Variants in SCGB2B2 observed in about 807,000 individuals in gnomAD.
SCGB2B2 encodes secretoglobin-like protein.
Under a neutral mutation model 7.6 loss-of-function variants are expected in SCGB2B2, and 11 were observed. The observed-to-expected ratio is 1.45, with a 90% CI of 0.91 to 2.40. The LOEUF (loss-of-function observed/expected upper bound fraction) is 2.40, where lower values mean the gene tolerates loss of function less well. Among genes scored for constraint, SCGB2B2 ranks in the 30% most tolerant of loss-of-function variants. The pLI is 0.00. For synonymous variants in SCGB2B2, 50 were observed against 48.6 expected (o/e 1.03, Z -0.12); for missense variants, 104 against 115.4 (o/e 0.90, Z 0.45).
At chr19:34,612,250 G>T (rs1185721542) in intron 1 of SCGB2B2, among the ~76,000 whole-genome samples, 2 of 150,910 alleles carry the variant, frequency 1.3e-5, no homozygotes, top group Non-Finnish European at 3.0e-5. Context: ...TGTTGGCCAG[G>T]ATGGTCTTGA....
chr19:34,673,707 G>A (rs1029438169), intron 1 of SCGB2B2, among the ~76,000 whole-genome samples: 1 of 152,086 alleles, frequency 6.6e-6, no homozygotes, highest in African/African-American at 2.4e-5. Flanking sequence ...TCAAAACATA[G>A]CTATTATCTT....
intron 1 of SCGB2B2, among the ~76,000 whole-genome samples, chr19:34,618,318 C>A (rs797015744): frequency 2.0e-5 from 3 of 152,184 alleles, no homozygotes; most frequent in Admixed American, 6.5e-5. Flanking sequence ...TTTTTATAAA[C>A]CTTTTACAAC....
chr19:34,594,857 C>T lies in SCGB2B2; in HGVS notation c.-294G>A. 2 of 457,290 alleles carry T rather than the reference C, an allele frequency of 4.4e-6. No individual in the cohort carries two copies. The highest frequency in any genetic ancestry group is 8.2e-6 in the Non-Finnish European group (2 of 245,096). 28.3% of individuals were successfully genotyped at this position (457,290 alleles called of 1,614,324 possible). A position where few individuals can be genotyped will look rare whatever the true frequency, so the allele number is the denominator to read the frequency against. On this transcript the variant is annotated 5_prime_UTR_variant, in exon 2 of 4. Coordinates refer to ENST00000601241, the MANE Select transcript of SCGB2B2 (RefSeq NM_001025591.4). ...CCCTGGAGCTCCCTGGGATTGGGAGCAGGCTGAACACTGGTGTAAGCCTGC... is the reference window on the plus strand; with the variant it reads ...CCCTGGAGCTCCCTGGGATTGGGAGTAGGCTGAACACTGGTGTAAGCCTGC...
rs191457535 is a variant in SCGB2B2 at position 34,631,350 on chromosome 19, G to A, written c.-2031-34756C>T. Among the ~76,000 whole-genome samples, 466 of 140,422 alleles carry A rather than the reference G, an allele frequency of 3.3e-3. 1 individual carries two copies. The highest frequency in any genetic ancestry group is 0.012 in the African/African-American group (441 of 36,962). The allele number at this position is 140,422 out of a possible 152,430, so 92.1% of individuals were successfully genotyped here. The stretch of plus-strand genomic sequence containing the variant: ...TTTTTTTTTAGCTCATCATTCTATC[G>A]TTAGTCTTAGTATATTTTATCTGTG... On this transcript the variant is annotated intron_variant, in intron 1 of 3. Transcript: ENST00000601241.
downstream of SCGB2B2, among the ~76,000 whole-genome samples, chr19:34,590,160 G>T (rs1293277421): frequency 6.6e-6 from 1 of 152,106 alleles, no homozygotes; most frequent in East Asian, 1.9e-4. Context: ...ATGTTACCTG[G>T]CCCACTTTTC....
chr19:34,662,913 T>C (rs771986735), intron 1 of SCGB2B2, among the ~76,000 whole-genome samples: 1 of 151,754 alleles, frequency 6.6e-6, no homozygotes, highest in Admixed American at 6.6e-5. Flanking sequence ...CCTGGGCGGC[T>C]GAGAGAGACC....
At position 34,644,956 on chromosome 19, in the gene SCGB2B2, T is replaced by C. The variant is rs562838792; in HGVS notation, c.-2032+30674A>G. Among the ~76,000 whole-genome samples the C allele has an allele frequency of 3.3e-5, 5 of 152,314 alleles. No homozygotes were observed. The South Asian group carries it at 1.0e-3, about 32-fold the overall frequency. On this transcript the variant is annotated intron_variant, in intron 1 of 3. Transcript: ENST00000601241. ...GCACAACGAGCTTGGGAGGTGGGAA[T>C]TGCTGTCAGTTTCACAGATGAGCAA...
In SCGB2B2 at chr19:34,635,985, C is replaced by T. The variant is rs1455130974; in HGVS notation, c.-2031-39391G>A. On this transcript the variant is annotated intron_variant, in intron 1 of 3. Coordinates refer to ENST00000601241, the MANE Select transcript of SCGB2B2 (RefSeq NM_001025591.4). The stretch of plus-strand genomic sequence containing the variant: ...TGCCCGGGGTGTATTCCCTGATGCT[C>T]AGCCAAGAGCAAAATGTCTTTCATG... 2.6e-5 allele frequency among the ~76,000 whole-genome samples: 4 copies of T among 152,210 alleles called. No homozygotes were observed. In the East Asian group the frequency reaches 7.7e-4, roughly 29 times the overall value.
intron 1 of SCGB2B2, among the ~76,000 whole-genome samples, chr19:34,621,076 G>A (rs1041146199): frequency 2.4e-4 from 36 of 152,156 alleles, no homozygotes; most frequent in African/African-American, 8.2e-4. Context: ...GATTAAAGTC[G>A]CATGAAGTAA....
At chr19:34,634,695 A>AT (rs996529819) in intron 1 of SCGB2B2, 49 of 151,642 alleles carry the variant, frequency 3.2e-4, no homozygotes, top group Middle Eastern at 1.5e-3. Flanking sequence ...CTCCAGTGTG[A>AT]TTTTTTTTTT....
At chr19:34,669,002 A>G (rs1487528451) in intron 1 of SCGB2B2, among the ~76,000 whole-genome samples, 3 of 152,088 alleles carry the variant, frequency 2.0e-5, no homozygotes, top group Non-Finnish European at 4.4e-5. Flanking sequence ...TTTGCTCTTT[A>G]CAATAAATCT....
Position 34,594,664 on chromosome 19 carries a change from TG to T in SCGB2B2, c.-102del. On this transcript the variant is annotated 5_prime_UTR_variant, in exon 2 of 4. The change abolishes the stop of an existing upstream ORF in the 5' untranslated region. Coordinates refer to ENST00000601241, the MANE Select transcript of SCGB2B2 (RefSeq NM_001025591.4). ...GCACATGCCTCTTCGTGTGTGTGTG[TG>T]TGTGTGTGTGTGTGTGTGTGTGTGT... 9.7e-6 allele frequency: 3 copies of T among 308,302 alleles called. No homozygotes were observed. Among genetic ancestry groups the T allele is most frequent in the Admixed American group, 6.5e-5 (2 of 30,572 alleles). 19.1% of individuals were successfully genotyped at this position (308,302 alleles called of 1,614,324 possible).
intron 1 of SCGB2B2, among the ~76,000 whole-genome samples, chr19:34,655,880 G>T: frequency 6.6e-6 from 1 of 151,024 alleles, no homozygotes; most frequent in Non-Finnish European, 1.5e-5. Context: ...GAGGAATGCA[G>T]CCACTGCCAA....
At chr19:34,619,762 T>C (rs2066189579) in intron 1 of SCGB2B2, among the ~76,000 whole-genome samples, 1 of 152,202 alleles carries the variant, frequency 6.6e-6, no homozygotes, top group African/African-American at 2.4e-5. Flanking sequence ...GTGACTGAAA[T>C]TGCTTTTCCT....
intron 1 of SCGB2B2, among the ~76,000 whole-genome samples, chr19:34,625,161 G>C (rs923934502): frequency 1.3e-5 from 2 of 152,210 alleles, no homozygotes; most frequent in African/African-American, 4.8e-5. Context: ...GGCCGAATAA[G>C]AACAGTTACA....
In SCGB2B2 at chr19:34,592,196, G is replaced by A. The variant is rs1418502242; in HGVS notation, c.*1359C>T. The stretch of plus-strand genomic sequence containing the variant: ...GTGGAAGGGAGAAAGGGCATTTTGG[G>A]CAGTGGGAGTGAGGGAGGAGAAGAA... On this transcript the variant is annotated 3_prime_UTR_variant, in exon 4 of 4. Coordinates refer to ENST00000601241, the MANE Select transcript of SCGB2B2 (RefSeq NM_001025591.4). Among the ~76,000 whole-genome samples, 1 of 152,166 alleles carries A rather than the reference G, an allele frequency of 6.6e-6. No homozygotes were observed. The highest frequency in any genetic ancestry group is 1.5e-5 in the Non-Finnish European group (1 of 68,028).
At chr19:34,611,478 G>A (rs962442893) in intron 1 of SCGB2B2, among the ~76,000 whole-genome samples, 1 of 151,744 alleles carries the variant, frequency 6.6e-6, no homozygotes, top group Non-Finnish European at 1.5e-5. Context: ...TACTGATTTT[G>A]CTGTGTCCTA....
At chr19:34,648,653 ATTATG>A (rs1456800339) in intron 1 of SCGB2B2, among the ~76,000 whole-genome samples, 1 of 150,936 alleles carries the variant, frequency 6.6e-6, no homozygotes, top group Non-Finnish European at 1.5e-5. Flanking sequence ...CACAGAATAT[ATTATG>A]TTAAATTATG....
At chr19:34,586,583 G>A (rs940027354), downstream of SCGB2B2, among the ~76,000 whole-genome samples, 21 of 152,174 alleles carry the variant, frequency 1.4e-4, 1 homozygote, top group African/African-American at 5.1e-4. Flanking sequence ...TCATGTGTAT[G>A]AATAGTTTAT....
Sources: gnomAD v4.1 joint callset for allele counts (sites outside exome capture counted in the v4.1 genomes callset) on GRCh38, gnomAD v4.1.1 for gene constraint, MANE v1.5 for transcripts, NCBI Gene and HGNC (gene_info 2026-07-23, HGNC 2026-07-21) for gene names.